TRAPPC9: variants seen among roughly 807,000 people sequenced by gnomAD.
TRAPPC9 encodes trafficking protein particle complex subunit 9.
TRAPPC9 carries 83 observed loss-of-function variants against 124.0 expected under a neutral mutation model. The observed-to-expected ratio is 0.67, with a 90% CI of 0.56 to 0.80. The LOEUF (loss-of-function observed/expected upper bound fraction) is 0.80. TRAPPC9 is among the 30% of genes least tolerant of loss of function. The pLI is 0.00. For synonymous variants in TRAPPC9, 638 were observed against 617.5 expected (o/e 1.03, Z -0.49); for missense variants, 1,302 against 1,508.3 (o/e 0.86, Z 2.27).
At chr8:139,831,924 C>G (rs561686815) in intron 21 of TRAPPC9, among the ~76,000 whole-genome samples, 35 of 152,332 alleles carry the variant, frequency 2.3e-4, no homozygotes, top group African/African-American at 7.9e-4. Flanking sequence ...CTTGAGTAGC[C>G]CCATTGTCCT....
intron 17 of TRAPPC9, among the ~76,000 whole-genome samples, chr8:140,204,766 C>CTGCA (rs1455017665): frequency 4.6e-5 from 7 of 152,242 alleles, no homozygotes; most frequent in Admixed American, 1.3e-4. Context: ...TCCTTGCAGC[C>CTGCA]TGCAGAACCA....
rs184726679 is a variant in TRAPPC9, at chr8:139,731,291, G to A, written c.3280-63C>T. 307 of 1,577,360 alleles carry A rather than the reference G, an allele frequency of 1.9e-4. No homozygotes were observed. In the African/African-American group the frequency reaches 3.3e-3, roughly 17 times the overall value. On this transcript the variant is annotated intron_variant, in intron 22 of 22. Transcript: ENST00000438773. ...CAGCAGGGGCCACCCAAAGCCACCA[G>A]GAATCCTGGGAATCTGCCTGGACAT...
chr8:140,341,679 GA>G lies in TRAPPC9; in HGVS notation c.1495+18370del, dbSNP rs577666696. Among the ~76,000 whole-genome samples the G allele has an allele frequency of 7.4e-3, 990 of 133,034 alleles. 9 individuals carry two copies. The highest frequency in any genetic ancestry group is 0.023 in the African/African-American group (842 of 36,234). The allele number at this position is 133,034 out of a possible 152,430, so 87.3% of individuals were successfully genotyped here. On this transcript the variant is annotated intron_variant, in intron 9 of 22. Transcript: ENST00000438773. ...GATAAGCATTGTTATATACGCATGGGAAAAAAAAAAAAAAACTTTGGGAAGA... is the reference window on the plus strand; with the variant it reads ...GATAAGCATTGTTATATACGCATGGGAAAAAAAAAAAAAACTTTGGGAAGA...
intron 11 of TRAPPC9, among the ~76,000 whole-genome samples, chr8:140,295,284 T>G (rs1010677226): frequency 6.6e-6 from 1 of 152,172 alleles, no homozygotes; most frequent in Non-Finnish European, 1.5e-5. Flanking sequence ...TTTAGAAACA[T>G]TATCTCCCTT....
chr8:140,371,834 G>A lies in TRAPPC9; in HGVS notation c.1135-654C>T, dbSNP rs573463141. Among the ~76,000 whole-genome samples, 37 of 152,242 alleles carry A rather than the reference G, an allele frequency of 2.4e-4. No homozygotes were observed. The South Asian group carries it at 7.3e-3, about 30-fold the overall frequency. ...TTCTCCTGCCTCATCCTCCAGTGTA[G>A]CTGAGATTACAAGCACCCACCCCCA... On this transcript the variant is annotated intron_variant, in intron 7 of 22. Transcript: ENST00000438773.
chr8:140,009,347 A>AG (rs2131839206), intron 18 of TRAPPC9, among the ~76,000 whole-genome samples: 1 of 152,382 alleles, frequency 6.6e-6, no homozygotes, highest in Non-Finnish European at 1.5e-5. Context: ...GCTCATTTTA[A>AG]CAAGTACAGT....
At chr8:140,273,964 C>G (rs536481669) in intron 15 of TRAPPC9, among the ~76,000 whole-genome samples, 7 of 152,168 alleles carry the variant, frequency 4.6e-5, no homozygotes, top group Non-Finnish European at 7.3e-5. Context: ...GCCAAATTAA[C>G]AACTGCCAGC....
chr8:139,859,836 G>T (rs914148172), intron 21 of TRAPPC9, among the ~76,000 whole-genome samples: 1 of 152,342 alleles, frequency 6.6e-6, no homozygotes, highest in East Asian at 1.9e-4. Flanking sequence ...AAGGAACCAC[G>T]ATAGGAGAGG....
chr8:140,042,119 T>C (rs1217507644), intron 17 of TRAPPC9, among the ~76,000 whole-genome samples: 1 of 152,202 alleles, frequency 6.6e-6, no homozygotes, highest in Non-Finnish European at 1.5e-5. Context: ...AATGGTTATT[T>C]AGGAAAGTAT....
At chr8:140,311,823 C>T (rs920209383) in intron 9 of TRAPPC9, among the ~76,000 whole-genome samples, 11 of 152,180 alleles carry the variant, frequency 7.2e-5, no homozygotes, top group African/African-American at 2.7e-4. Context: ...AATTACAAAT[C>T]AACATTTTTG....
chr8:139,939,478 C>T (rs927400868), intron 19 of TRAPPC9, among the ~76,000 whole-genome samples: 1 of 152,206 alleles, frequency 6.6e-6, no homozygotes, highest in African/African-American at 2.4e-5. Flanking sequence ...CCTCCCCAAC[C>T]GAGACCCTCA....
intron 9 of TRAPPC9, among the ~76,000 whole-genome samples, chr8:140,355,831 A>G (rs763995595): frequency 1.3e-5 from 2 of 152,234 alleles, no homozygotes; most frequent in African/African-American, 2.4e-5. Flanking sequence ...TATTTTACAC[A>G]CATATATTAA....
intron 17 of TRAPPC9, among the ~76,000 whole-genome samples, chr8:140,106,222 T>G (rs536042072): frequency 6.6e-6 from 1 of 152,214 alleles, no homozygotes; most frequent in East Asian, 1.9e-4. Flanking sequence ...GATCGTGCCA[T>G]CAGAGCAGAG....
chr8:140,279,265 G>A (rs977711239), intron 14 of TRAPPC9, among the ~76,000 whole-genome samples: 3 of 152,152 alleles, frequency 2.0e-5, no homozygotes, highest in African/African-American at 4.8e-5. Flanking sequence ...CAAGGGCAGC[G>A]GCCTAGGTCG....
chr8:139,737,967 G>C (rs731328), intron 21 of TRAPPC9, among the ~76,000 whole-genome samples: 1 of 152,156 alleles, frequency 6.6e-6, no homozygotes. Context: ...GGCTGGCTGT[G>C]AACACTGACG....
intron 1 of TRAPPC9, chr8:140,456,868 C>T (rs2132746905): frequency 1.0e-6 from 1 of 984,438 alleles, no homozygotes; most frequent in Admixed American, 6.1e-5. Context: ...ACAGACAACG[C>T]ATCCTAACAC....
At chr8:140,446,410 T>C (rs893414896) in intron 2 of TRAPPC9, among the ~76,000 whole-genome samples, 16 of 152,190 alleles carry the variant, frequency 1.1e-4, no homozygotes, top group Admixed American at 9.8e-4. Context: ...TGAATGCTCA[T>C]TGGCAGAAGC....
chr8:139,731,288 C>T, intron 22 of TRAPPC9, 60 bp from the exon 23 acceptor site: 1 of 1,591,130 alleles, frequency 6.3e-7, no homozygotes. Flanking sequence ...CCCAAAGCCA[C>T]CAGGAATCCT....
At chr8:139,909,065 T>C (rs1831541219) in intron 20 of TRAPPC9, among the ~76,000 whole-genome samples, 1 of 152,156 alleles carries the variant, frequency 6.6e-6, no homozygotes, top group Non-Finnish European at 1.5e-5. Flanking sequence ...AACAAAGGAA[T>C]TGGCCTCAGG....
Sources: gnomAD v4.1 joint callset for allele counts (sites outside exome capture counted in the v4.1 genomes callset) on GRCh38, gnomAD v4.1.1 for gene constraint, MANE v1.5 for transcripts, NCBI Gene and HGNC (gene_info 2026-07-23, HGNC 2026-07-21) for gene names.